CPLANE1: variants seen among roughly 807,000 people sequenced by gnomAD.
The protein encoded by CPLANE1 is ciliogenesis and planar polarity effector complex subunit 1, also known as ciliogenesis and planar polarity effector 1.
Under a neutral mutation model 362.5 loss-of-function variants are expected in CPLANE1, and 263 were observed. The ratio of observed to expected loss-of-function variants is 0.73; its 90% CI spans 0.66 to 0.80. The LOEUF is 0.80. Ranked by LOEUF, CPLANE1 falls within the 30% of genes least tolerant of loss-of-function variation. The probability of loss-of-function intolerance (pLI) is 0.00; values close to 1 mark genes in which losing one functional copy is unlikely to be tolerated. For synonymous variants in CPLANE1, 1,212 were observed against 1,302.6 expected, an observed-to-expected ratio of 0.93 and a Z score of 1.50; for missense variants, 3,461 against 3,793.4, an observed-to-expected ratio of 0.91 and a Z score of 2.30.
At chr5:37,119,991 A>G (rs961541837) in intron 50 of CPLANE1, among the ~76,000 whole-genome samples, 1 of 152,132 alleles carries the variant, frequency 6.6e-6, no homozygotes, top group African/African-American at 2.4e-5. Flanking sequence ...TGCCTCAAAA[A>G]GAAAAAGAAA....
At chr5:37,187,881 G>C in intron 21 of CPLANE1, 39 bp from the exon 22 acceptor site, 1 of 1,414,234 alleles carries the variant, frequency 7.1e-7, no homozygotes, top group Non-Finnish European at 9.9e-7. Context: ...AATCACATGA[G>C]TATGTACATT....
At chr5:37,098,923 CAAAAAA>C in the CPLANE1 span, among the ~76,000 whole-genome samples, 4 of 52,080 alleles carry the variant, frequency 7.7e-5, no homozygotes, top group African/African-American at 2.1e-4. Flanking sequence ...ATGCCTACAT[CAAAAAA>C]AAAAAAAAAA....
the CPLANE1 span, among the ~76,000 whole-genome samples, chr5:37,075,826 CT>C: frequency 6.6e-6 from 1 of 152,158 alleles, no homozygotes; most frequent in Admixed American, 6.5e-5. Context: ...CAGATACTTA[CT>C]TATCTATTTA....
chr5:37,096,213 C>T, the CPLANE1 span, among the ~76,000 whole-genome samples: 1 of 151,836 alleles, frequency 6.6e-6, no homozygotes, highest in Non-Finnish European at 1.5e-5. Flanking sequence ...CAGTGTGGTA[C>T]TGGTATAAAA....
intron 15 of CPLANE1, among the ~76,000 whole-genome samples, chr5:37,215,364 A>C (rs1793756557): frequency 6.6e-6 from 1 of 152,094 alleles, no homozygotes; most frequent in Admixed American, 6.6e-5. Context: ...GGATTTTCTT[A>C]ATACAACTTT....
Position 37,224,521 on chromosome 5 carries a change from A to G in CPLANE1, c.2500+11T>C. ...ATTCATGGAGTTAGAAAATATTCATAAGATACTGACCATTGATAGATTTAA... is the reference window on the plus strand; with the variant it reads ...ATTCATGGAGTTAGAAAATATTCATGAGATACTGACCATTGATAGATTTAA... On this transcript the variant is annotated intron_variant, in intron 13 of 52. Transcript: ENST00000651892. 6.6e-7 allele frequency: 1 copy of G among 1,517,396 alleles called. No homozygotes were observed. The highest frequency in any genetic ancestry group is 2.5e-5 in the East Asian group (1 of 40,664). 94.0% of individuals were successfully genotyped at this position (1,517,396 alleles called of 1,614,324 possible).
chr5:37,142,726 C>T (rs1035964833), intron 43 of CPLANE1: 2 of 267,596 alleles, frequency 7.5e-6, no homozygotes, highest in Admixed American at 5.3e-5. Flanking sequence ...TTCATAAAAA[C>T]ATAGACATGC....
intron 16 of CPLANE1, among the ~76,000 whole-genome samples, chr5:37,207,907 G>GT (rs143674763): frequency 0.043 from 6,509 of 151,240 alleles, 482 homozygotes; most frequent in African/African-American, 0.15. Flanking sequence ...TCCTTCTCTA[G>GT]TTTTTTTTTG....
chr5:37,176,758 T>C (rs569050643), intron 30 of CPLANE1, among the ~76,000 whole-genome samples: 1 of 126,130 alleles, frequency 7.9e-6, no homozygotes, highest in South Asian at 2.4e-4. Context: ...TCTAATTATG[T>C]TGCCTTTTTT....
At position 37,239,848 on chromosome 5, in the gene CPLANE1, A is replaced by T. The variant is rs762115051; in HGVS notation, c.699T>A (p.His233Gln). Residue 233 changes from histidine (H) to glutamine (Q), a missense_variant, in exon 7 of 53, where the codon CAT (histidine) becomes CAA (glutamine). Physicochemically the swap from His to Gln is conservative, Grantham distance 24 (BLOSUM62 0). Coordinates refer to ENST00000651892, the MANE Select transcript of CPLANE1 (RefSeq NM_001384732.1). ...TSVRSLPYHV[H>Q]WAQQDCHLCS... Reference sequence around the variant, plus strand: ...AGAGATGACAGTCTTGTTGAGCCCAATGAACATGGTATGGCAATGATCTAA... The same window carrying T: ...AGAGATGACAGTCTTGTTGAGCCCATTGAACATGGTATGGCAATGATCTAA... 1.7e-5 allele frequency: 26 copies of T among 1,519,896 alleles called. No homozygotes were observed. Among genetic ancestry groups the T allele is most frequent in the Middle Eastern group, 1.7e-4 (1 of 5,892 alleles). 94.2% of individuals were successfully genotyped at this position (1,519,896 alleles called of 1,614,324 possible).
At chr5:37,097,523 G>C in the CPLANE1 span, among the ~76,000 whole-genome samples, 2 of 152,130 alleles carry the variant, frequency 1.3e-5, no homozygotes, top group African/African-American at 4.8e-5. Flanking sequence ...AGGAAGCTCA[G>C]ACACCCACAA....
Position 37,183,146 on chromosome 5 carries a change from C to T in CPLANE1, c.5035G>A (p.Gly1679Ser). 6.2e-7 allele frequency: 1 copy of T among 1,612,474 alleles called. No homozygotes were observed. Among genetic ancestry groups the T allele is most frequent in the Non-Finnish European group, 8.5e-7 (1 of 1,179,462 alleles). ...NKNEGMSGLFGLKQRSIYKIQ... is the reference protein window; with the variant it reads ...NKNEGMSGLFSLKQRSIYKIQ... ...TTGTAAATTGACCTTTGTTTTAAAC[C>T]AAATAATCCACTCATTCCTTCATTC... Residue 1679 changes from glycine to serine, a missense_variant, in exon 26 of 53, where the codon GGT becomes AGT. Physicochemically the swap from Gly to Ser is moderately conservative, Grantham distance 56. Coordinates refer to ENST00000651892, the MANE Select transcript of CPLANE1 (RefSeq NM_001384732.1).
chr5:37,247,584 A>G, intron 2 of CPLANE1, 34 bp downstream of exon 2: 1 of 1,528,432 alleles, frequency 6.5e-7, no homozygotes, highest in Non-Finnish European at 8.8e-7. Context: ...TAACATATAT[A>G]AAACTGGTAT....
At chr5:37,125,692 T>C (rs1487709133) in intron 46 of CPLANE1, among the ~76,000 whole-genome samples, 1 of 152,232 alleles carries the variant, frequency 6.6e-6, no homozygotes, top group Non-Finnish European at 1.5e-5. Context: ...CAGAAAACTA[T>C]ATAGCCTCCT....
intron 12 of CPLANE1, among the ~76,000 whole-genome samples, 194 bp downstream of exon 12, chr5:37,226,108 AAG>A (rs1796422632): frequency 6.6e-6 from 1 of 152,156 alleles, no homozygotes; most frequent in Non-Finnish European, 1.5e-5. Flanking sequence ...TAACAGATAA[AAG>A]ATTTCTTTCT....
the CPLANE1 span, among the ~76,000 whole-genome samples, chr5:37,088,883 G>T: frequency 6.6e-6 from 1 of 152,158 alleles, no homozygotes; most frequent in South Asian, 2.1e-4. Context: ...TGTGCTCACC[G>T]TGGTAATTGA....
At chr5:37,165,412 G>A in intron 36 of CPLANE1, 127 bp downstream of exon 36, 1 of 870,294 alleles carries the variant, frequency 1.1e-6, no homozygotes, top group Admixed American at 2.5e-5. Flanking sequence ...CTGATATACT[G>A]AATGATATGA....
At chr5:37,184,760 G>A in intron 25 of CPLANE1, 28 bp downstream of exon 25, 2 of 1,573,320 alleles carry the variant, frequency 1.3e-6, no homozygotes, top group Non-Finnish European at 1.7e-6. Context: ...GGAAGTGAAT[G>A]CCAGTGATTA....
At chr5:37,087,061 GT>G in the CPLANE1 span, among the ~76,000 whole-genome samples, 1 of 152,186 alleles carries the variant, frequency 6.6e-6, no homozygotes, top group Non-Finnish European at 1.5e-5. Context: ...GTATATAAAA[GT>G]GTTGAAACAG....
Sources: allele counts gnomAD v4.1 joint callset (sites outside exome capture counted in the v4.1 genomes callset), GRCh38; gene constraint gnomAD v4.1.1; transcripts MANE v1.5; gene names NCBI Gene and HGNC (gene_info 2026-07-23, HGNC 2026-07-21).